FHIT: variants seen among roughly 807,000 people sequenced by gnomAD.
FHIT encodes the protein bis(5'-adenosyl)-triphosphatase.
In FHIT, 19 loss-of-function variants were observed where a neutral mutation model predicts 17.9. The observed-to-expected ratio is 1.06, with a 90% CI of 0.74 to 1.56. The LOEUF is 1.56. FHIT is among the 40% of genes most tolerant of loss of function. FHIT has a pLI of 0.00. For synonymous variants in FHIT, 81 were observed against 69.7 expected (o/e 1.16, Z -0.81); for missense variants, 248 against 189.2 (o/e 1.31, Z -1.82).
chr3:59,997,168 T>C (rs1028852907), intron 7 of FHIT, among the ~76,000 whole-genome samples: 1 of 152,106 alleles, frequency 6.6e-6, no homozygotes, highest in African/African-American at 2.4e-5. Flanking sequence ...AGTCACCAAA[T>C]AGAGAACCCT....
intron 5 of FHIT, among the ~76,000 whole-genome samples, chr3:60,258,088 A>ACACG (rs1449587920): frequency 1.4e-5 from 2 of 142,800 alleles, no homozygotes; most frequent in Non-Finnish European, 3.1e-5. Context: ...ACACACACAC[A>ACACG]CACACACACA....
At chr3:60,830,083 C>T (rs1259035402) in intron 3 of FHIT, among the ~76,000 whole-genome samples, 1 of 152,066 alleles carries the variant, frequency 6.6e-6, no homozygotes, top group African/African-American at 2.4e-5. Flanking sequence ...GACTATCCCC[C>T]ATACCCTTCT....
intron 3 of FHIT, among the ~76,000 whole-genome samples, chr3:60,857,227 A>T (rs1336266078): frequency 6.6e-6 from 1 of 152,156 alleles, no homozygotes; most frequent in East Asian, 1.9e-4. Flanking sequence ...GACTCATGGT[A>T]AAATAATAAG....
chr3:60,019,555 A>G (rs1429586003), intron 5 of FHIT, among the ~76,000 whole-genome samples: 1 of 151,858 alleles, frequency 6.6e-6, no homozygotes, highest in African/African-American at 2.4e-5. Flanking sequence ...AGTAGCTGGG[A>G]ATACAGGCAT....
intron 5 of FHIT, among the ~76,000 whole-genome samples, chr3:60,025,516 C>A (rs948681457): frequency 1.6e-4 from 24 of 149,124 alleles, no homozygotes; most frequent in African/African-American, 6.0e-4. Context: ...GAGCAATGTG[C>A]CATAATTCAC....
chr3:60,118,169 CAAT>C (rs1705066289), intron 5 of FHIT, among the ~76,000 whole-genome samples: 2 of 152,052 alleles, frequency 1.3e-5, no homozygotes, highest in Non-Finnish European at 2.9e-5. Flanking sequence ...TGCAGTAGTG[CAAT>C]AATGTCTCAC....
intron 3 of FHIT, among the ~76,000 whole-genome samples, chr3:60,828,432 A>T (rs1175689674): frequency 3.3e-5 from 5 of 152,168 alleles, no homozygotes; most frequent in African/African-American, 9.6e-5. Flanking sequence ...CATTTAACAA[A>T]GTATTTATAC....
At chr3:61,239,539 TC>T (rs1293530373) in intron 1 of FHIT, among the ~76,000 whole-genome samples, 2 of 152,042 alleles carry the variant, frequency 1.3e-5, no homozygotes, top group Non-Finnish European at 2.9e-5. Context: ...AGGTTACTCA[TC>T]CCTCTTTCTA....
intron 5 of FHIT, among the ~76,000 whole-genome samples, chr3:60,067,339 T>C (rs1702560324): frequency 6.6e-6 from 1 of 151,958 alleles, no homozygotes. Flanking sequence ...AATGAATGAA[T>C]GAATGAATGA....
At chr3:59,957,857 A>G (rs984021130) in intron 7 of FHIT, among the ~76,000 whole-genome samples, 14 of 152,232 alleles carry the variant, frequency 9.2e-5, no homozygotes, top group African/African-American at 3.1e-4. Context: ...AACACTAGAC[A>G]TTTCCATACT....
chr3:61,033,399 C>G (rs563480472), intron 3 of FHIT, among the ~76,000 whole-genome samples: 1 of 152,190 alleles, frequency 6.6e-6, no homozygotes, highest in Non-Finnish European at 1.5e-5. Context: ...ACACACCAGA[C>G]CTCAAAGACT....
chr3:59,810,788 AT>A (rs1308098859), intron 8 of FHIT, among the ~76,000 whole-genome samples: 1 of 152,208 alleles, frequency 6.6e-6, no homozygotes, highest in African/African-American at 2.4e-5. Context: ...TTCCAAGCTT[AT>A]AATTAAAGCT....
chr3:59,969,780 C>G (rs1200924719), intron 7 of FHIT, among the ~76,000 whole-genome samples: 1 of 152,026 alleles, frequency 6.6e-6, no homozygotes. Flanking sequence ...AGCAGCCCCT[C>G]AAAAGCGAGA....
At chr3:59,909,597 CTT>C (rs1420576873) in intron 8 of FHIT, among the ~76,000 whole-genome samples, 6 of 152,136 alleles carry the variant, frequency 3.9e-5, no homozygotes, top group African/African-American at 1.4e-4. Flanking sequence ...CAGGGAGTAT[CTT>C]TATTTTTTTT....
chr3:60,626,379 ATTC>A (rs1285395352), intron 4 of FHIT, among the ~76,000 whole-genome samples: 2 of 152,334 alleles, frequency 1.3e-5, no homozygotes, highest in East Asian at 1.9e-4. Flanking sequence ...GTATTTAGAT[ATTC>A]TTCAACTTAT....
At chr3:59,808,736 T>C (rs1700299017) in intron 8 of FHIT, among the ~76,000 whole-genome samples, 1 of 152,148 alleles carries the variant, frequency 6.6e-6, no homozygotes, top group South Asian at 2.1e-4. Flanking sequence ...GAGCTTTAAC[T>C]ACACCGATTT....
At chr3:61,021,317 A>G (rs2032411930) in intron 3 of FHIT, among the ~76,000 whole-genome samples, 1 of 152,144 alleles carries the variant, frequency 6.6e-6, no homozygotes, top group Non-Finnish European at 1.5e-5. Flanking sequence ...AACAGAAATC[A>G]GGCCGGGCGC....
intron 5 of FHIT, among the ~76,000 whole-genome samples, chr3:60,464,791 T>C (rs2032692278): frequency 6.6e-6 from 1 of 152,222 alleles, no homozygotes; most frequent in Non-Finnish European, 1.5e-5. Context: ...TTCCAAATCT[T>C]GGCTAGTGTG....
intron 5 of FHIT, among the ~76,000 whole-genome samples, chr3:60,472,331 T>C (rs898631952): frequency 2.0e-5 from 3 of 152,090 alleles, no homozygotes; most frequent in Non-Finnish European, 2.9e-5. Context: ...TCAAACTACA[T>C]GCCCACCTTC....
Sources: allele counts gnomAD v4.1 joint callset (sites outside exome capture counted in the v4.1 genomes callset), GRCh38; gene constraint gnomAD v4.1.1; transcripts MANE v1.5; gene names NCBI Gene and HGNC (gene_info 2026-07-23, HGNC 2026-07-21).